The following PDZRN3 variants were observed in gnomAD, a reference collection of about 807,000 sequenced individuals.
PDZRN3 encodes PDZ domain containing ring finger 3, also known as E3 ubiquitin-protein ligase PDZRN3.
In PDZRN3, 38 loss-of-function variants were observed where a neutral mutation model predicts 85.7. The observed-to-expected ratio is 0.44, with a 90% CI of 0.34 to 0.58. The LOEUF (loss-of-function observed/expected upper bound fraction) is 0.58, where lower values mean the gene tolerates loss of function less well. Among genes scored for constraint, PDZRN3 ranks in the 20% least tolerant of loss-of-function variants. The pLI, the probability that PDZRN3 is intolerant of heterozygous loss-of-function variation, is 0.01. For synonymous variants in PDZRN3, 759 were observed against 638.0 expected (o/e 1.19, Z -2.86); for missense variants, 1,629 against 1,506.4 (o/e 1.08, Z -1.35).
At chr3:73,597,799 A>C (rs542138244) in intron 3 of PDZRN3, among the ~76,000 whole-genome samples, 1 of 152,154 alleles carries the variant, frequency 6.6e-6, no homozygotes, top group African/African-American at 2.4e-5. Context: ...ACATGCCTCA[A>C]AGTGAATTTG....
intron 3 of PDZRN3, among the ~76,000 whole-genome samples, chr3:73,456,941 A>G (rs956467540): frequency 9.1e-6 from 1 of 110,118 alleles, no homozygotes; most frequent in African/African-American, 3.6e-5. Context: ...AGTAGGGGGA[A>G]AAAAAAAACA....
chr3:73,483,896 A>C (rs1295773991), intron 3 of PDZRN3, among the ~76,000 whole-genome samples: 1 of 152,212 alleles, frequency 6.6e-6, no homozygotes, highest in Non-Finnish European at 1.5e-5. Context: ...CTAGAACCAT[A>C]TTCTTTACTG....
At chr3:73,411,362 T>C (rs1701963107) in intron 3 of PDZRN3, among the ~76,000 whole-genome samples, 1 of 152,164 alleles carries the variant, frequency 6.6e-6, no homozygotes, top group Non-Finnish European at 1.5e-5. Context: ...AATCACAACA[T>C]GCAAAGTGGC....
At chr3:73,527,391 A>G (rs1158913682) in intron 3 of PDZRN3, among the ~76,000 whole-genome samples, 5 of 152,172 alleles carry the variant, frequency 3.3e-5, no homozygotes, top group Non-Finnish European at 1.5e-5. Flanking sequence ...AATCCATTAG[A>G]AACGGATATC....
chr3:73,424,457 C>T lies in PDZRN3; in HGVS notation c.919-20062G>A, dbSNP rs185728383. On this transcript the variant is annotated intron_variant, in intron 3 of 9. Coordinates refer to ENST00000263666, the MANE Select transcript of PDZRN3 (RefSeq NM_015009.3). Reference sequence around the variant, plus strand: ...TCGGAAGGCTGAGGCAGGAGAATGGCGTGAACCCGGGAGGCCAGAGCTTGC... The same window carrying T: ...TCGGAAGGCTGAGGCAGGAGAATGGTGTGAACCCGGGAGGCCAGAGCTTGC... Among the ~76,000 whole-genome samples the T allele has an allele frequency of 2.9e-5, 4 of 137,768 alleles. No individual in the cohort carries two copies. In the East Asian group the frequency reaches 6.8e-4, roughly 23 times the overall value. 90.4% of individuals were successfully genotyped at this position (137,768 alleles called of 152,430 possible). A position where few individuals can be genotyped will look rare whatever the true frequency, so the allele number is the denominator to read the frequency against.
intron 3 of PDZRN3, among the ~76,000 whole-genome samples, chr3:73,530,060 C>T (rs1704618102): frequency 6.6e-6 from 1 of 152,162 alleles, no homozygotes; most frequent in South Asian, 2.1e-4. Context: ...TTCATGTAAT[C>T]ATAATTTCTT....
intron 3 of PDZRN3, among the ~76,000 whole-genome samples, chr3:73,523,000 G>A (rs552435635): frequency 6.6e-6 from 1 of 152,246 alleles, no homozygotes; most frequent in African/African-American, 2.4e-5. Context: ...ACAATAAAAG[G>A]AAGAGTTTTT....
chr3:73,420,809 T>C (rs918090162), intron 3 of PDZRN3, among the ~76,000 whole-genome samples: 1 of 152,194 alleles, frequency 6.6e-6, no homozygotes, highest in Non-Finnish European at 1.5e-5. Context: ...CCATGAGATA[T>C]TGGCTCCAGT....
chr3:73,580,928 ATACAATGCAGCTGCC>A (rs1221076571), intron 3 of PDZRN3, among the ~76,000 whole-genome samples: 1 of 152,232 alleles, frequency 6.6e-6, no homozygotes, highest in Non-Finnish European at 1.5e-5. Context: ...TAATTCTGAA[ATACAATGCAGCTGCC>A]TTTGCTGTAT....
chr3:73,551,619 G>A (rs960311860), intron 3 of PDZRN3, among the ~76,000 whole-genome samples: 7 of 149,052 alleles, frequency 4.7e-5, no homozygotes, highest in East Asian at 4.0e-4. Context: ...AGCCTGGGAC[G>A]TCAAGGCTGC....
chr3:73,447,067 A>AAT (rs35272683), intron 3 of PDZRN3, among the ~76,000 whole-genome samples: 4,309 of 141,802 alleles, frequency 0.03, 186 homozygotes, highest in African/African-American at 0.092. Context: ...AAAGAATTGC[A>AAT]ATATATATAT....
At chr3:73,463,606 G>T (rs893600402) in intron 3 of PDZRN3, among the ~76,000 whole-genome samples, 2 of 152,196 alleles carry the variant, frequency 1.3e-5, no homozygotes, top group Admixed American at 1.3e-4. Context: ...AACCATTGTG[G>T]AAGACAGTGT....
intron 3 of PDZRN3, among the ~76,000 whole-genome samples, chr3:73,477,564 T>C (rs959911713): frequency 6.6e-6 from 1 of 152,190 alleles, no homozygotes; most frequent in Non-Finnish European, 1.5e-5. Flanking sequence ...TTCTCCAACA[T>C]TCAAAAATAA....
intron 3 of PDZRN3, among the ~76,000 whole-genome samples, chr3:73,548,271 T>C (rs991263880): frequency 1.3e-5 from 2 of 152,130 alleles, no homozygotes; most frequent in African/African-American, 2.4e-5. Flanking sequence ...CTGATGATGT[T>C]TGAGGATTTG....
At chr3:73,516,982 G>C (rs1237720142) in intron 3 of PDZRN3, among the ~76,000 whole-genome samples, 2 of 152,206 alleles carry the variant, frequency 1.3e-5, no homozygotes, top group African/African-American at 2.4e-5. Context: ...CCATGCTGAA[G>C]TTTTGGTGGC....
At chr3:73,548,357 C>T (rs899701329) in intron 3 of PDZRN3, among the ~76,000 whole-genome samples, 4 of 152,150 alleles carry the variant, frequency 2.6e-5, no homozygotes, top group African/African-American at 4.8e-5. Context: ...AAGATACAGA[C>T]GTTTTATTTC....
At chr3:73,527,279 C>T (rs1704546246) in intron 3 of PDZRN3, among the ~76,000 whole-genome samples, 1 of 152,174 alleles carries the variant, frequency 6.6e-6, no homozygotes, top group African/African-American at 2.4e-5. Context: ...AAGGCAGCTT[C>T]CATTACTCAC....
intron 3 of PDZRN3, among the ~76,000 whole-genome samples, chr3:73,548,497 A>G (rs1298138331): frequency 6.6e-6 from 1 of 152,216 alleles, no homozygotes; most frequent in Non-Finnish European, 1.5e-5. Context: ...CACACCCTGG[A>G]GCTTCGACTG....
At chr3:73,580,175 G>A (rs565596257) in intron 3 of PDZRN3, among the ~76,000 whole-genome samples, 1 of 152,254 alleles carries the variant, frequency 6.6e-6, no homozygotes, top group African/African-American at 2.4e-5. Context: ...CTAGGACCCT[G>A]CAAAGAACTT....
Sources: gnomAD v4.1 joint callset for allele counts (sites outside exome capture counted in the v4.1 genomes callset) on GRCh38, gnomAD v4.1.1 for gene constraint, MANE v1.5 for transcripts, NCBI Gene and HGNC (gene_info 2026-07-23, HGNC 2026-07-21) for gene names.